NABP1: variants seen among roughly 807,000 people sequenced by gnomAD.
NABP1 encodes SOSS complex subunit B2.
NABP1 carries 18 observed loss-of-function variants against 25.0 expected under a neutral mutation model. That is an observed-to-expected ratio of 0.72 (90% CI 0.50 to 1.07). The LOEUF (loss-of-function observed/expected upper bound fraction) is 1.07, where lower values mean the gene tolerates loss of function less well. Ranked by LOEUF, NABP1 falls within the 50% of genes least tolerant of loss-of-function variation. The probability of loss-of-function intolerance (pLI) is 0.00; values close to 1 mark genes in which losing one functional copy is unlikely to be tolerated. For synonymous variants in NABP1, 71 were observed against 85.0 expected (o/e 0.84, Z 0.91); for missense variants, 270 against 255.6 (o/e 1.06, Z -0.39).
rs1240752600 is a variant in NABP1, at chr2:191,678,146, T to C, written c.-469T>C. On this transcript the variant is annotated 5_prime_UTR_variant, in exon 1 of 6. Transcript: ENST00000425611. ...GCGGGCGTGTTCATCAGTCGCTGTTTGGGACGCTGGGTGTGCGGTGTTCTG... is the reference window on the plus strand; with the variant it reads ...GCGGGCGTGTTCATCAGTCGCTGTTCGGGACGCTGGGTGTGCGGTGTTCTG... 6.6e-6 allele frequency: 1 copy of C among 152,642 alleles called. No individual in the cohort carries two copies. Among genetic ancestry groups the C allele is most frequent in the Admixed American group, 6.5e-5 (1 of 15,294 alleles). The allele number at this position is 152,642 out of a possible 1,614,324, so 9.5% of individuals were successfully genotyped here.
At chr2:191,685,553 T>C (rs1427741198) in intron 5 of NABP1, 46 bp from the exon 6 acceptor site, 5 of 1,532,530 alleles carry the variant, frequency 3.3e-6, no homozygotes, top group Middle Eastern at 1.7e-4. Context: ...TCTACTTCTA[T>C]AGACTACCTC....
rs144722762 is a variant in NABP1, at chr2:191,682,937, A to G, written c.303-792A>G. 1.5e-5 allele frequency: 3 copies of G among 204,968 alleles called. No individual in the cohort carries two copies. In the East Asian group the frequency reaches 4.3e-4, roughly 29 times the overall value. 12.7% of individuals were successfully genotyped at this position (204,968 alleles called of 1,614,324 possible). On this transcript the variant is annotated intron_variant, in intron 3 of 5. Coordinates refer to ENST00000425611, the MANE Select transcript of NABP1 (RefSeq NM_001031716.5). ...CACTTAGAGTAGCATTAATAGAGTT[A>G]TGTGTTATGAAAGGTCTTAGTGTCT...
Position 191,678,993 on chromosome 2 carries a change from G to A in NABP1, c.95G>A (p.Arg32His), listed in dbSNP as rs199539482. 2.5e-6 allele frequency: 4 copies of A among 1,614,094 alleles called. No homozygotes were observed. In the East Asian group the frequency reaches 8.9e-5, roughly 36 times the overall value. ...NVVFIVLEIG[R>H]VTKTKDGHEV... ...TTTGATTTTTAAATCCTCACAGGAC[G>A]CGTGACCAAAACCAAAGACGGCCAT... The change falls in exon 2 of 6, where the codon CGC (arginine) becomes CAC (histidine). Residue 32 changes from arginine (R) to histidine (H), a missense_variant. Physicochemically the swap from Arg to His is conservative, Grantham distance 29 (BLOSUM62 0). Transcript: ENST00000425611.
rs938015868 is a variant in NABP1, at chr2:191,678,664, G to T, written c.50G>T (p.Gly17Val). The change falls in exon 1 of 6, where the codon GGA (glycine) becomes GTA (valine). Residue 17 changes from glycine to valine, a missense_variant. By Grantham distance (109) the Gly-to-Val change is moderately radical. Transcript: ENST00000425611. ...ATTTTTATAAGAGATATTAAGCCCGGACTGAAAAACTTAAATGTCGTCTTT... is the reference window on the plus strand; with the variant it reads ...ATTTTTATAAGAGATATTAAGCCCGTACTGAAAAACTTAAATGTCGTCTTT... ...PLIFIRDIKP[G>V]LKNLNVVFIV... 27 of 1,613,836 alleles carry T rather than the reference G, an allele frequency of 1.7e-5. No homozygotes were observed. The highest frequency in any genetic ancestry group is 2.3e-5 in the Non-Finnish European group (27 of 1,179,912).
rs1231594299 is a variant in NABP1 at position 191,683,545 on chromosome 2, CA to C, written c.303-181del. On this transcript the variant is annotated intron_variant, in intron 3 of 5. Coordinates refer to ENST00000425611, the MANE Select transcript of NABP1 (RefSeq NM_001031716.5). This position sits in a 1 kb window ranked among gnomAD's most constrained non-coding sequence, Gnocchi z 4.1. ...GAATGTTATATATCTTGTAGACAGT[CA>C]AATATTTGATGTTTTATGGGACATA... 1.8e-6 allele frequency: 1 copy of C among 561,910 alleles called. No homozygotes were observed. Among genetic ancestry groups the C allele is most frequent in the East Asian group, 3.1e-5 (1 of 31,860 alleles). 34.8% of individuals were successfully genotyped at this position (561,910 alleles called of 1,614,324 possible).
intron 2 of NABP1, among the ~76,000 whole-genome samples, chr2:191,679,518 A>C (rs2105639367): frequency 6.6e-6 from 1 of 152,326 alleles, no homozygotes; most frequent in African/African-American, 2.4e-5. Context: ...CTGGGACTAC[A>C]GGCGTGTGCC....
Position 191,683,032 on chromosome 2 carries a change from G to C in NABP1, c.303-697G>C, listed in dbSNP as rs1687728941. 6.4e-6 allele frequency: 1 copy of C among 157,260 alleles called. No homozygotes were observed. Among genetic ancestry groups the C allele is most frequent in the Admixed American group, 6.3e-5 (1 of 15,928 alleles). The allele number at this position is 157,260 out of a possible 1,614,324, so 9.7% of individuals were successfully genotyped here. A position where few individuals can be genotyped will look rare whatever the true frequency, so the allele number is the denominator to read the frequency against. ...TACAGAGGTGTTGATAATAATGGAG[G>C]TCAGTTACGTGAAAAACCGTTAGAG... On this transcript the variant is annotated intron_variant, in intron 3 of 5. Coordinates refer to ENST00000425611, the MANE Select transcript of NABP1 (RefSeq NM_001031716.5). This position sits in a 1 kb window ranked among gnomAD's most constrained non-coding sequence, Gnocchi z 4.1.
At chr2:191,681,901 A>G in intron 2 of NABP1, 45 bp from the exon 3 acceptor site, 5 of 1,303,458 alleles carry the variant, frequency 3.8e-6, no homozygotes, top group Non-Finnish European at 5.2e-6. Context: ...TAAATAGAAG[A>G]AAATAAATAT....
rs192374280 is a variant in NABP1, at chr2:191,680,113, C to T, written c.230+985C>T. On this transcript the variant is annotated intron_variant, in intron 2 of 5. Transcript: ENST00000425611. ...TAGGTGGCTTTAAAAAATACTAGAACTTTTTTTTTAAAAAATAGATTGCTT... is the reference window on the plus strand; with the variant it reads ...TAGGTGGCTTTAAAAAATACTAGAATTTTTTTTTTAAAAAATAGATTGCTT... Among the ~76,000 whole-genome samples the T allele has an allele frequency of 1.1e-4, 16 of 151,566 alleles. No individual in the cohort carries two copies. In the South Asian group the frequency reaches 1.3e-3, roughly 12 times the overall value.
At position 191,678,486 on chromosome 2, in the gene NABP1, C is replaced by T; in HGVS notation, c.-129C>T. 2.6e-6 allele frequency: 1 copy of T among 386,768 alleles called. No homozygotes were observed. Among genetic ancestry groups the T allele is most frequent in the Non-Finnish European group, 4.7e-6 (1 of 214,448 alleles). 24.0% of individuals were successfully genotyped at this position (386,768 alleles called of 1,614,324 possible). A position where few individuals can be genotyped will look rare whatever the true frequency, so the allele number is the denominator to read the frequency against. ...TGCCCGGTCCCTGACTAACGGCTTT[C>T]TGCCCCTTCTCTCGCCACCCCTGCC... On this transcript the variant is annotated 5_prime_UTR_variant, in exon 1 of 6. Transcript: ENST00000425611.
At position 191,683,158 on chromosome 2, in the gene NABP1, T is replaced by A. The variant is rs1687731185; in HGVS notation, c.303-571T>A. ...AGTATGGTGAGGAGTAATAAAATGC[T>A]TCTTTGTAATGTTAGTACACATTAT... On this transcript the variant is annotated intron_variant, in intron 3 of 5. Coordinates refer to ENST00000425611, the MANE Select transcript of NABP1 (RefSeq NM_001031716.5). The surrounding 1 kb of genome is among the most constrained non-coding windows in gnomAD (Gnocchi z 4.1). 1 of 157,712 alleles carries A rather than the reference T, an allele frequency of 6.3e-6. No homozygotes were observed. Among genetic ancestry groups the A allele is most frequent in the Middle Eastern group, 3.3e-3 (1 of 302 alleles). 9.8% of individuals were successfully genotyped at this position (157,712 alleles called of 1,614,324 possible).
chr2:191,681,029 G>A (rs1254374513), intron 2 of NABP1, among the ~76,000 whole-genome samples: 1 of 152,096 alleles, frequency 6.6e-6, no homozygotes, highest in East Asian at 1.9e-4. Context: ...ATTTCTTAAA[G>A]TGAATGTTAA....
At chr2:191,680,399 C>G (rs968872377) in intron 2 of NABP1, among the ~76,000 whole-genome samples, 1 of 152,156 alleles carries the variant, frequency 6.6e-6, no homozygotes, top group Non-Finnish European at 1.5e-5. Flanking sequence ...GTCATCAAAG[C>G]AGGAAGTGAG....
intron 4 of NABP1, among the ~76,000 whole-genome samples, 173 bp from the exon 5 acceptor site, chr2:191,684,057 G>A (rs13407113): frequency 0.038 from 5,566 of 145,686 alleles, 343 homozygotes; most frequent in African/African-American, 0.13. Flanking sequence ...TTTGGGAAAC[G>A]TTTCTTAACA....
chr2:191,685,724 A>C lies in NABP1; in HGVS notation c.571A>C (p.Thr191Pro). The change falls in exon 6 of 6, where the codon ACA becomes CCA. Residue 191 changes from threonine (T) to proline (P), a missense_variant. Transcript: ENST00000425611. ...AGCTAGTAATCAAACAGTGATGACCACAATAAGTAATGGCAGGGACCCTCG... is the reference window on the plus strand; with the variant it reads ...AGCTAGTAATCAAACAGTGATGACCCCAATAAGTAATGGCAGGGACCCTCG... Reference protein sequence around the residue: ...GTASNQTVMTTISNGRDPRRA... With the variant: ...GTASNQTVMTPISNGRDPRRA... 6.2e-7 allele frequency: 1 copy of C among 1,614,146 alleles called. No homozygotes were observed. The highest frequency in any genetic ancestry group is 8.5e-7 in the Non-Finnish European group (1 of 1,180,000).
chr2:191,678,782 G>A (rs538580791), intron 1 of NABP1, 77 bp downstream of exon 1: 15 of 1,402,928 alleles, frequency 1.1e-5, no homozygotes, highest in Non-Finnish European at 1.4e-5. Flanking sequence ...GCCGCTGCGC[G>A]CCCGGGGCTC....
intron 2 of NABP1, 25 bp downstream of exon 2, chr2:191,679,153 A>G (rs1687596911): frequency 6.2e-7 from 1 of 1,613,602 alleles, no homozygotes; most frequent in Non-Finnish European, 8.5e-7. Context: ...AAGTCGGGGG[A>G]CCTAACAGTC....
In NABP1 at chr2:191,678,146, T is replaced by G. The variant is rs1240752600; in HGVS notation, c.-469T>G. The G allele has an allele frequency of 6.6e-6, 1 of 152,642 alleles. No individual in the cohort carries two copies. Among genetic ancestry groups the G allele is most frequent in the African/African-American group, 2.4e-5 (1 of 41,470 alleles). The allele number at this position is 152,642 out of a possible 1,614,324, so 9.5% of individuals were successfully genotyped here. ...GCGGGCGTGTTCATCAGTCGCTGTTTGGGACGCTGGGTGTGCGGTGTTCTG... is the reference window on the plus strand; with the variant it reads ...GCGGGCGTGTTCATCAGTCGCTGTTGGGGACGCTGGGTGTGCGGTGTTCTG... On this transcript the variant is annotated 5_prime_UTR_variant, in exon 1 of 6. Coordinates refer to ENST00000425611, the MANE Select transcript of NABP1 (RefSeq NM_001031716.5).
intron 2 of NABP1, 36 bp from the exon 3 acceptor site, chr2:191,681,910 A>T (rs766001694): frequency 2.3e-5 from 31 of 1,338,240 alleles, no homozygotes; most frequent in Non-Finnish European, 3.0e-5. Flanking sequence ...GAAAATAAAT[A>T]TATTTCTAAA....
Sources: allele counts gnomAD v4.1 joint callset (sites outside exome capture counted in the v4.1 genomes callset), GRCh38; gene constraint gnomAD v4.1.1; non-coding constraint Gnocchi (gnomAD v3.1); transcripts MANE v1.5; gene names NCBI Gene and HGNC (gene_info 2026-07-23, HGNC 2026-07-21).